The following DOCK8 variants were observed in gnomAD, a reference collection of about 807,000 sequenced individuals.
DOCK8 encodes dedicator of cytokinesis protein 8.
A neutral mutation model predicts 245.6 loss-of-function variants in DOCK8; 141 were observed. The ratio of observed to expected loss-of-function variants is 0.57; its 90% confidence interval spans 0.50 to 0.66. The LOEUF is 0.66. Ranked by LOEUF, DOCK8 falls within the 30% of genes least tolerant of loss-of-function variation. The pLI, the probability that DOCK8 is intolerant of heterozygous loss-of-function variation, is 0.00. For missense variants in DOCK8, 2,965 were observed against 2,603.4 expected (o/e 1.14, Z -3.02); for synonymous variants, 1,168 against 970.2 (o/e 1.20, Z -3.79).
At chr9:402,614 C>G (rs2055163757) in intron 26 of DOCK8, among the ~76,000 whole-genome samples, 1 of 152,212 alleles carries the variant, frequency 6.6e-6, no homozygotes, top group South Asian at 2.1e-4. Context: ...AAGTTGTATT[C>G]TTACAAAGTC....
At chr9:357,886 A>G (rs1347274894) in intron 14 of DOCK8, among the ~76,000 whole-genome samples, 6 of 152,206 alleles carry the variant, frequency 3.9e-5, no homozygotes. Flanking sequence ...CAACCTACAC[A>G]TCAGGAGTTT....
At chr9:387,346 G>A (rs1271564631) in intron 23 of DOCK8, among the ~76,000 whole-genome samples, 4 of 151,980 alleles carry the variant, frequency 2.6e-5, no homozygotes, top group African/African-American at 7.3e-5. Flanking sequence ...AGGAGGCTGA[G>A]GCAGGAGAAT....
At chr9:463,422 A>C in intron 46 of DOCK8, 95 bp from the exon 47 acceptor site, 2 of 1,507,960 alleles carry the variant, frequency 1.3e-6, no homozygotes, top group Non-Finnish European at 9.1e-7. Flanking sequence ...AACGTTCTTA[A>C]AGTTATTCGA....
chr9:263,059 G>T (rs907605255), intron 1 of DOCK8, among the ~76,000 whole-genome samples: 1 of 151,980 alleles, frequency 6.6e-6, no homozygotes, highest in Non-Finnish European at 1.5e-5. Context: ...ATACAAAAAT[G>T]AGCCGGGCGT....
intron 20 of DOCK8, among the ~76,000 whole-genome samples, chr9:378,315 C>G (rs2053600462): frequency 6.6e-6 from 1 of 152,220 alleles, no homozygotes; most frequent in African/African-American, 2.4e-5. Flanking sequence ...GAGTGCAGCA[C>G]TGCAGAGAAC....
Position 370,233 on chromosome 9 carries a change from A to C in DOCK8, c.1801A>C (p.Ile601Leu). The C allele has an allele frequency of 6.2e-7, 1 of 1,613,834 alleles. No homozygotes were observed. The highest frequency in any genetic ancestry group is 8.5e-7 in the Non-Finnish European group (1 of 1,179,662). ...GEDASNAMPV[I>L]FGKSSGPEFL... ...TCCTTTCTCTACTGGTGAACAGGTC[A>C]TCTTTGGAAAATCCAGCGGGCCTGA... Residue 601 changes from isoleucine to leucine, a missense_variant, in exon 16 of 48, where the codon ATC becomes CTC. Ile to Leu is a conservative substitution (Grantham distance 5). This residue lies in a region of DOCK8 where 2,825 missense variants were observed against 2,453.5 expected (regional missense o/e 1.15). Transcript: ENST00000432829.
intron 12 of DOCK8, among the ~76,000 whole-genome samples, chr9:338,052 G>T (rs529777146): frequency 1.2e-4 from 18 of 152,234 alleles, no homozygotes; most frequent in African/African-American, 4.3e-4. Flanking sequence ...TACTTGGGAG[G>T]CTGAGGCTGG....
chr9:340,025 T>C (rs2051500914), intron 13 of DOCK8, 134 bp from the exon 14 acceptor site: 1 of 923,124 alleles, frequency 1.1e-6, no homozygotes, highest in Non-Finnish European at 1.6e-6. Flanking sequence ...CTGTAGGAAA[T>C]TAGCTCCAAA....
chr9:454,395 A>G (rs561695598), intron 46 of DOCK8: 2 of 152,208 alleles, frequency 1.3e-5, no homozygotes, highest in East Asian at 1.9e-4. Context: ...TATCATAGGT[A>G]TGTATGTATA....
At chr9:432,940 T>C (rs2056771114) in intron 37 of DOCK8, among the ~76,000 whole-genome samples, 1 of 152,204 alleles carries the variant, frequency 6.6e-6, no homozygotes, top group African/African-American at 2.4e-5. Context: ...CCTGTCCCAT[T>C]TGTCTTTTAA....
intron 8 of DOCK8, among the ~76,000 whole-genome samples, chr9:326,220 T>C (rs1466961281): frequency 6.6e-6 from 1 of 152,234 alleles, no homozygotes. Context: ...GTTTTTAATG[T>C]TTAGTCATTT....
chr9:325,266 A>G (rs2050711120), intron 7 of DOCK8, among the ~76,000 whole-genome samples: 1 of 152,200 alleles, frequency 6.6e-6, no homozygotes, highest in Non-Finnish European at 1.5e-5. Context: ...GCAGTTGTGA[A>G]ACAGATACTA....
intron 8 of DOCK8, among the ~76,000 whole-genome samples, chr9:326,684 C>G (rs138148215): frequency 6.6e-6 from 1 of 152,348 alleles, no homozygotes; most frequent in East Asian, 1.9e-4. Flanking sequence ...CACGCAGCCA[C>G]TCAGAAATAC....
In DOCK8 at chr9:376,978, A is replaced by T; in HGVS notation, c.2207A>T (p.Asp736Val). The change falls in exon 20 of 48, where the codon GAC becomes GTC. Residue 736 changes from aspartate to valine, a missense_variant and splice_region_variant. Coordinates refer to ENST00000432829, the MANE Select transcript of DOCK8 (RefSeq NM_203447.4). ...GAGGCCTGCCTTCTCCCTTCGCAGG[A>T]CAACCACCTGGAGAAGTTCTTCACC... ...VQAVSSVHTQ[D>V]NHLEKFFTLC... 6.2e-7 allele frequency: 1 copy of T among 1,613,788 alleles called. No individual in the cohort carries two copies. The highest frequency in any genetic ancestry group is 8.5e-7 in the Non-Finnish European group (1 of 1,179,860).
chr9:286,658 A>G, intron 3 of DOCK8, 22 bp downstream of exon 3: 2 of 1,611,930 alleles, frequency 1.2e-6, no homozygotes, highest in Non-Finnish European at 8.5e-7. Context: ...TCTAAAATGT[A>G]GATGTGATTG....
chr9:222,010 G>A (rs1587608803), intron 1 of DOCK8, among the ~76,000 whole-genome samples: 1 of 151,868 alleles, frequency 6.6e-6, no homozygotes, highest in African/African-American at 2.4e-5. Context: ...CCTGCCTCCC[G>A]GTGCTTTGGG....
intron 18 of DOCK8, among the ~76,000 whole-genome samples, chr9:372,922 T>G (rs965701285): frequency 1.3e-5 from 2 of 152,040 alleles, no homozygotes; most frequent in Admixed American, 1.3e-4. Flanking sequence ...CCCAGCACTT[T>G]GGGAGGCCGA....
chr9:425,059 A>G (rs2056428918), intron 33 of DOCK8, among the ~76,000 whole-genome samples: 1 of 152,250 alleles, frequency 6.6e-6, no homozygotes, highest in African/African-American at 2.4e-5. Flanking sequence ...TATTGCTTAC[A>G]TGGAGACAGT....
intron 46 of DOCK8, among the ~76,000 whole-genome samples, chr9:453,126 T>G (rs906114965): frequency 1.3e-5 from 2 of 152,252 alleles, no homozygotes; most frequent in African/African-American, 4.8e-5. Context: ...AGGTTAGAGA[T>G]ATCTCCTCCT....
Sources: gnomAD v4.1 joint callset for allele counts (sites outside exome capture counted in the v4.1 genomes callset) on GRCh38, gnomAD v4.1.1 for gene constraint, gnomAD v4.1.1 regional missense constraint, MANE v1.5 for transcripts, NCBI Gene and HGNC (gene_info 2026-07-23, HGNC 2026-07-21) for gene names.